Variants in AFAP1L2 observed in about 807,000 individuals in gnomAD.
The protein encoded by AFAP1L2 is actin filament-associated protein 1-like 2.
AFAP1L2 carries 46 observed loss-of-function variants against 99.3 expected under a neutral mutation model. The observed-to-expected ratio is 0.46, with a 90% confidence interval of 0.37 to 0.59. The LOEUF (loss-of-function observed/expected upper bound fraction) is 0.59. AFAP1L2 is among the 20% of genes least tolerant of loss of function. The probability of loss-of-function intolerance (pLI) is 0.00; values close to 1 mark genes in which losing one functional copy is unlikely to be tolerated. For synonymous variants in AFAP1L2, 397 were observed against 419.1 expected, an observed-to-expected ratio of 0.95 and a Z score of 0.64; for missense variants, 959 against 1,034.9, an observed-to-expected ratio of 0.93 and a Z score of 1.01.
chr10:114,375,929 C>T (rs1407279), intron 1 of AFAP1L2, among the ~76,000 whole-genome samples: 25,604 of 151,970 alleles, frequency 0.17, 2,747 homozygotes, highest in Non-Finnish European at 0.24. Context: ...CACTGCATTC[C>T]GGCCTGGGAG....
chr10:114,376,140 C>T (rs930988277), intron 1 of AFAP1L2, among the ~76,000 whole-genome samples: 1 of 152,166 alleles, frequency 6.6e-6, no homozygotes, highest in Non-Finnish European at 1.5e-5. Flanking sequence ...AAGCCACCCC[C>T]TTAAAGGAAC....
the AFAP1L2 span, chr10:114,286,053 G>T: frequency 1.2e-6 from 2 of 1,614,170 alleles, no homozygotes; most frequent in East Asian, 2.2e-5. Flanking sequence ...CGGTTTGTGC[G>T]GGCCGTGCTG....
intron 1 of AFAP1L2, among the ~76,000 whole-genome samples, chr10:114,386,863 C>T (rs2056568022): frequency 6.6e-6 from 1 of 152,252 alleles, no homozygotes; most frequent in Non-Finnish European, 1.5e-5. Flanking sequence ...GGCCTCCATG[C>T]TTCGCAAAAT....
At chr10:114,297,169 A>G (rs2040371666) in intron 17 of AFAP1L2, 51 bp downstream of exon 17, 1 of 1,196,420 alleles carries the variant, frequency 8.4e-7, no homozygotes, top group Non-Finnish European at 1.2e-6. Context: ...ACCCCAACCC[A>G]TGTCCAGGGA....
chr10:114,385,161 C>G (rs756822601), intron 1 of AFAP1L2, among the ~76,000 whole-genome samples: 30 of 152,212 alleles, frequency 2.0e-4, no homozygotes, highest in South Asian at 6.2e-4. Flanking sequence ...TCATGAGGAA[C>G]AGCATGAACA....
At position 114,403,571 on chromosome 10, in the gene AFAP1L2, G is replaced by C. The variant is rs530012366; in HGVS notation, c.16+869C>G. On this transcript the variant is annotated intron_variant, in intron 1 of 18. Coordinates refer to ENST00000304129, the MANE Select transcript of AFAP1L2 (RefSeq NM_001001936.3). ...AGGGGTCTGCAGGAGGATGGGGGAG[G>C]GGGGAGCGCCCGCAGGGTTCCTCTT... Among the ~76,000 whole-genome samples, 8 of 152,340 alleles carry C rather than the reference G, an allele frequency of 5.3e-5. No homozygotes were observed. In the South Asian group the frequency reaches 1.2e-3, roughly 24 times the overall value.
intron 1 of AFAP1L2, among the ~76,000 whole-genome samples, chr10:114,374,153 T>G (rs1206678761): frequency 1.3e-5 from 2 of 152,096 alleles, no homozygotes; most frequent in Non-Finnish European, 2.9e-5. Context: ...TGGGAGGATG[T>G]TTTGTCGGTT....
chr10:114,291,341 C>G, downstream of AFAP1L2: 1 of 1,353,932 alleles, frequency 7.4e-7, no homozygotes, highest in Non-Finnish European at 9.9e-7. Flanking sequence ...ATGTCTGTGC[C>G]CCAGGTCCTT....
Position 114,315,571 on chromosome 10 carries a change from T to G in AFAP1L2, c.601A>C (p.Asn201His). The G allele has an allele frequency of 6.2e-7, 1 of 1,614,102 alleles. No homozygotes were observed. The highest frequency in any genetic ancestry group is 8.5e-7 in the Non-Finnish European group (1 of 1,180,006). The stretch of plus-strand genomic sequence containing the variant: ...TAAGGCAGACTGACCAGAAGCCTGT[T>G]GTCCTTGATGACACAGAGCTGCTTG... Reference protein sequence around the residue: ...WAKQLCVIKDNRLLCYKSSKD... With the variant: ...WAKQLCVIKDHRLLCYKSSKD... Residue 201 changes from asparagine to histidine, a missense_variant, in exon 6 of 19, where the codon AAC becomes CAC. Coordinates refer to ENST00000304129, the MANE Select transcript of AFAP1L2 (RefSeq NM_001001936.3).
Position 114,300,264 on chromosome 10 carries a change from C to G in AFAP1L2, c.1887G>C (p.Pro629=). Residue 629 remains proline (P), a synonymous_variant, in exon 15 of 19, where the codon CCG becomes CCC. Coordinates refer to ENST00000304129, the MANE Select transcript of AFAP1L2 (RefSeq NM_001001936.3). ...QQRISFPPSC[P]DAVVATPPGA... is the part of the protein sequence containing the mutation. ...CAGGTGGGGTGGCCACCACGGCATCCGGGCAGCTCGGTGGGAAGGAGATTC... is the reference window on the plus strand; with the variant it reads ...CAGGTGGGGTGGCCACCACGGCATCGGGGCAGCTCGGTGGGAAGGAGATTC... The G allele has an allele frequency of 6.2e-7, 1 of 1,614,112 alleles. No homozygotes were observed. The highest frequency in any genetic ancestry group is 8.5e-7 in the Non-Finnish European group (1 of 1,180,026).
At chr10:114,330,926 T>C (rs2047140281) in intron 4 of AFAP1L2, among the ~76,000 whole-genome samples, 2 of 151,866 alleles carry the variant, frequency 1.3e-5, no homozygotes, top group South Asian at 2.1e-4. Context: ...CAGGTGCAGA[T>C]GGGGGAGGGA....
intron 16 of AFAP1L2, 100 bp downstream of exon 16, chr10:114,299,160 C>T (rs934811668): frequency 8.3e-6 from 12 of 1,449,886 alleles, no homozygotes; most frequent in Non-Finnish European, 1.1e-5. Context: ...CCAGGGCCCA[C>T]TGATTGAGAA....
intron 1 of AFAP1L2, among the ~76,000 whole-genome samples, chr10:114,364,262 T>A (rs534605232): frequency 6.6e-6 from 1 of 152,348 alleles, no homozygotes; most frequent in Non-Finnish European, 1.5e-5. Flanking sequence ...TGGGGGCCTG[T>A]ATCCATGGCC....
In AFAP1L2 at chr10:114,382,598, T is replaced by C. The variant is rs1255999685; in HGVS notation, c.16+21842A>G. On this transcript the variant is annotated intron_variant, in intron 1 of 18. Transcript: ENST00000304129. ...ATGTATATTTCTTCTCTTTTTTTTT[T>C]TTTTTTTTTTTTGAGACCGAGTTTC... Among the ~76,000 whole-genome samples, 16 of 146,978 alleles carry C rather than the reference T, an allele frequency of 1.1e-4. 1 individual carries two copies. The highest frequency in any genetic ancestry group is 3.9e-4 in the East Asian group (2 of 5,068).
chr10:114,300,464 G>A lies in AFAP1L2; in HGVS notation c.1769C>T (p.Pro590Leu), dbSNP rs2040949080. Residue 590 changes from proline (P) to leucine (L), a missense_variant, in exon 14 of 19, where the codon CCA becomes CTA. Pro to Leu is a moderately conservative substitution (Grantham distance 98). This residue lies in a region of AFAP1L2 where 576 missense variants were observed against 562.1 expected (regional missense o/e 1.02). Coordinates refer to ENST00000304129, the MANE Select transcript of AFAP1L2 (RefSeq NM_001001936.3). ...PTPDEPCIKC[P>L]ENLGEQQLES... ...CTGTACCTGTTCTCCCAGGTTCTCTGGACACTTTATGCAGGGCTCATCTGG... is the reference window on the plus strand; with the variant it reads ...CTGTACCTGTTCTCCCAGGTTCTCTAGACACTTTATGCAGGGCTCATCTGG... 1.2e-6 allele frequency: 2 copies of A among 1,613,544 alleles called. No homozygotes were observed. Among genetic ancestry groups the A allele is most frequent in the Non-Finnish European group, 1.7e-6 (2 of 1,179,558 alleles).
chr10:114,334,213 T>A (rs1178618897), intron 2 of AFAP1L2, among the ~76,000 whole-genome samples: 2 of 152,206 alleles, frequency 1.3e-5, no homozygotes, highest in African/African-American at 4.8e-5. Flanking sequence ...GCAGGTTAAG[T>A]CACCTTTCCC....
At chr10:114,379,536 C>A (rs1041233832) in intron 1 of AFAP1L2, among the ~76,000 whole-genome samples, 1 of 152,178 alleles carries the variant, frequency 6.6e-6, no homozygotes, top group Non-Finnish European at 1.5e-5. Context: ...TCCCATAAAA[C>A]AAACGGTCTG....
intron 1 of AFAP1L2, among the ~76,000 whole-genome samples, chr10:114,341,595 G>A (rs1365279179): frequency 7.0e-6 from 1 of 143,112 alleles, no homozygotes; most frequent in Non-Finnish European, 1.5e-5. Context: ...CCTGGTGACA[G>A]AGCAAGACTC....
intron 1 of AFAP1L2, 126 bp downstream of exon 1, chr10:114,404,314 C>A: frequency 8.8e-7 from 1 of 1,138,260 alleles, no homozygotes. Context: ...GGCCCAGGTC[C>A]GGGCTGGGTG....
Sources: gnomAD v4.1 joint callset for allele counts (sites outside exome capture counted in the v4.1 genomes callset) on GRCh38, gnomAD v4.1.1 for gene constraint, gnomAD v4.1.1 regional missense constraint, MANE v1.5 for transcripts, NCBI Gene and HGNC (gene_info 2026-07-23, HGNC 2026-07-21) for gene names.